Variants in SYNJ1 observed in about 807,000 individuals in gnomAD.
SYNJ1 encodes synaptojanin 1, also known as polyphosphatidylinositol phosphatase SYNJ1.
In SYNJ1, 78 loss-of-function variants were observed where a neutral mutation model predicts 168.2. That is an observed-to-expected ratio of 0.46 (90% confidence interval 0.39 to 0.56). The LOEUF (loss-of-function observed/expected upper bound fraction) is 0.56. Among genes scored for constraint, SYNJ1 ranks in the 20% least tolerant of loss-of-function variants. SYNJ1 has a pLI of 0.00. For synonymous variants in SYNJ1, 539 were observed against 548.6 expected, an observed-to-expected ratio of 0.98 and a Z score of 0.24; for missense variants, 1,303 against 1,597.6, an observed-to-expected ratio of 0.82 and a Z score of 3.14.
chr21:32,655,451 A>G (rs2040420554), intron 21 of SYNJ1, among the ~76,000 whole-genome samples: 1 of 152,214 alleles, frequency 6.6e-6, no homozygotes, highest in Non-Finnish European at 1.5e-5. Flanking sequence ...ATTTGAGGAA[A>G]GTCTAAACAC....
At chr21:32,723,175 G>T (rs582547) in intron 2 of SYNJ1, among the ~76,000 whole-genome samples, 83,819 of 152,060 alleles carry the variant, frequency 0.55, 23,731 homozygotes, top group African/African-American at 0.68. Flanking sequence ...TAGTGAACAC[G>T]TGGGTCCCTA....
At chr21:32,719,465 G>A (rs546316672) in intron 2 of SYNJ1, among the ~76,000 whole-genome samples, 9 of 152,226 alleles carry the variant, frequency 5.9e-5, no homozygotes, top group Non-Finnish European at 1.2e-4. Context: ...CGTAATCCCA[G>A]CACTTTGGAA....
At chr21:32,712,413 T>C (rs1424686804) in intron 2 of SYNJ1, among the ~76,000 whole-genome samples, 1 of 152,198 alleles carries the variant, frequency 6.6e-6, no homozygotes, top group Non-Finnish European at 1.5e-5. Context: ...CATTTCATCA[T>C]ATATAAAGAG....
At chr21:32,662,427 T>C (rs758654053) in intron 18 of SYNJ1, among the ~76,000 whole-genome samples, 2 of 152,182 alleles carry the variant, frequency 1.3e-5, no homozygotes, top group Non-Finnish European at 2.9e-5. Context: ...CGTGTTTATA[T>C]AATGACACTC....
At chr21:32,714,985 C>T (rs2042969716) in intron 2 of SYNJ1, among the ~76,000 whole-genome samples, 1 of 152,136 alleles carries the variant, frequency 6.6e-6, no homozygotes, top group Non-Finnish European at 1.5e-5. Flanking sequence ...CTCATCAATC[C>T]TACGTCACTT....
chr21:32,644,306 C>T (rs1449995601), intron 26 of SYNJ1, among the ~76,000 whole-genome samples: 2 of 152,204 alleles, frequency 1.3e-5, no homozygotes, highest in Non-Finnish European at 2.9e-5. Flanking sequence ...AAGATCTACA[C>T]ACAGGCAAAG....
chr21:32,672,989 A>C (rs959005205), intron 14 of SYNJ1, among the ~76,000 whole-genome samples: 2 of 151,810 alleles, frequency 1.3e-5, no homozygotes, highest in African/African-American at 4.9e-5. Flanking sequence ...TTATGTCCAT[A>C]ATCTTGGTTT....
chr21:32,724,242 C>G (rs770169849), intron 2 of SYNJ1, among the ~76,000 whole-genome samples: 2 of 152,140 alleles, frequency 1.3e-5, no homozygotes, highest in African/African-American at 2.4e-5. Context: ...AATCCCAGCA[C>G]TTTGGGAGGC....
In SYNJ1 at chr21:32,688,339, C is replaced by T; in HGVS notation, c.818G>A (p.Arg273Lys). ...QVGSHRVRMS[R>K]GFEANAPAFD... The stretch of plus-strand genomic sequence containing the variant: ...AGCAGGTGCATTGGCTTCAAATCCC[C>T]TTGACATACGGACACGATGAGATCC... Residue 273 changes from arginine (R) to lysine (K), a missense_variant, in exon 7 of 33, where the codon AGG becomes AAG. Arg to Lys is a conservative substitution (Grantham distance 26). This residue lies in a region of SYNJ1 where 920 missense variants were observed against 1,208.8 expected (regional missense o/e 0.76). Coordinates refer to ENST00000674351, the MANE Select transcript of SYNJ1 (RefSeq NM_203446.3). 6.2e-7 allele frequency: 1 copy of T among 1,613,758 alleles called. No homozygotes were observed. The highest frequency in any genetic ancestry group is 8.5e-7 in the Non-Finnish European group (1 of 1,179,856).
intron 2 of SYNJ1, among the ~76,000 whole-genome samples, chr21:32,705,887 T>G (rs2042589077): frequency 6.6e-6 from 1 of 152,156 alleles, no homozygotes; most frequent in African/African-American, 2.4e-5. Context: ...CTCAGGAGGC[T>G]GTGGCGGGAA....
chr21:32,657,626 A>ACC, intron 19 of SYNJ1, 90 bp downstream of exon 19: 8 of 1,258,672 alleles, frequency 6.4e-6, no homozygotes, highest in Non-Finnish European at 8.5e-6. Context: ...TTCTTGAAAA[A>ACC]CAATATTCTC....
chr21:32,657,634 C>T, intron 19 of SYNJ1, 82 bp downstream of exon 19: 1 of 1,236,264 alleles, frequency 8.1e-7, no homozygotes, highest in Non-Finnish European at 1.1e-6. Flanking sequence ...AAACAATATT[C>T]TCCTCATTTG....
intron 18 of SYNJ1, among the ~76,000 whole-genome samples, chr21:32,659,233 A>G (rs974167683): frequency 2.0e-5 from 3 of 152,210 alleles, no homozygotes; most frequent in African/African-American, 7.2e-5. Flanking sequence ...AAACAGCCCT[A>G]AAGATGAAGA....
At chr21:32,679,136 T>C (rs567482801) in intron 11 of SYNJ1, among the ~76,000 whole-genome samples, 1 of 152,304 alleles carries the variant, frequency 6.6e-6, no homozygotes, top group East Asian at 1.9e-4. Context: ...AGAAAATTCC[T>C]TCTTACAAGG....
At chr21:32,657,469 A>C (rs889464979) in intron 19 of SYNJ1, among the ~76,000 whole-genome samples, 1 of 152,240 alleles carries the variant, frequency 6.6e-6, no homozygotes, top group African/African-American at 2.4e-5. Context: ...GCTTCAATTA[A>C]AAATTTCACA....
At position 32,629,953 on chromosome 21, in the gene SYNJ1, A is replaced by C. The variant is rs1010868914; in HGVS notation, c.*1852T>G. 6.6e-6 allele frequency: 1 copy of C among 152,416 alleles called. No individual in the cohort carries two copies. The highest frequency in any genetic ancestry group is 1.5e-5 in the Non-Finnish European group (1 of 68,050). 9.4% of individuals were successfully genotyped at this position (152,416 alleles called of 1,614,324 possible). ...CACACTGGGTATATTCCCAATTCAA[A>C]GCACTCAGGGGACAGCTGCTTTCCC... On this transcript the variant is annotated 3_prime_UTR_variant, in exon 33 of 33. Transcript: ENST00000674351.
chr21:32,680,106 C>G (rs535866061), intron 11 of SYNJ1, among the ~76,000 whole-genome samples: 22 of 152,100 alleles, frequency 1.4e-4, no homozygotes, highest in African/African-American at 4.6e-4. Context: ...AGGAATAAAT[C>G]AAAGTTTAAC....
chr21:32,687,062 T>C lies in SYNJ1; in HGVS notation c.864A>G (p.Thr288=), dbSNP rs766729919. The stretch of plus-strand genomic sequence containing the variant: ...TTTGTTTACCATATAAGTTCTTAAG[T>C]GTTCTAAAATGCCTATTTAAGAAAG... ...NAPAFDRHFR[T]LKNLYGKQII... Residue 288 remains threonine (T), a synonymous_variant, in exon 8 of 33, where the codon ACA becomes ACG. Transcript: ENST00000674351. The C allele has an allele frequency of 4.7e-6, 7 of 1,489,874 alleles. No individual in the cohort carries two copies. In the South Asian group the frequency reaches 6.6e-5, roughly 14 times the overall value. The allele number at this position is 1,489,874 out of a possible 1,614,324, so 92.3% of individuals were successfully genotyped here. A position where few individuals can be genotyped will look rare whatever the true frequency, so the allele number is the denominator to read the frequency against.
chr21:32,728,335 C>A (rs1322647606), upstream of SYNJ1: 4 of 344,764 alleles, frequency 1.2e-5, no homozygotes, highest in African/African-American at 2.2e-5. Flanking sequence ...CTGCGTATTG[C>A]TGCTCCCCAA....
Sources: allele counts gnomAD v4.1 joint callset (sites outside exome capture counted in the v4.1 genomes callset), GRCh38; gene constraint gnomAD v4.1.1; regional missense constraint gnomAD v4.1.1; transcripts MANE v1.5; gene names NCBI Gene and HGNC (gene_info 2026-07-23, HGNC 2026-07-21).